Variants in PCDHGB7 observed in about 807,000 individuals in gnomAD.
PCDHGB7 encodes the protein protocadherin gamma subfamily B, 7, also known as protocadherin gamma-B7.
PCDHGB7 carries 37 observed loss-of-function variants against 61.4 expected under a neutral mutation model. The ratio of observed to expected loss-of-function variants is 0.60; its 90% CI spans 0.46 to 0.79. The LOEUF (loss-of-function observed/expected upper bound fraction) is 0.79. Ranked by LOEUF, PCDHGB7 falls within the 30% of genes least tolerant of loss-of-function variation. The probability of loss-of-function intolerance (pLI) is 0.00; values close to 1 mark genes in which losing one functional copy is unlikely to be tolerated. For synonymous variants in PCDHGB7, 464 were observed against 503.5 expected (o/e 0.92, Z 1.05); for missense variants, 1,166 against 1,202.5 (o/e 0.97, Z 0.45).
rs34152666 is a variant in PCDHGB7 at position 141,428,860 on chromosome 5, C to CT, written c.2415+8599dup. 6.7e-4 allele frequency: 98 copies of CT among 145,544 alleles called. 1 individual carries two copies. The highest frequency in any genetic ancestry group is 1.4e-3 in the East Asian group (7 of 4,990). 9.0% of individuals were successfully genotyped at this position (145,544 alleles called of 1,614,324 possible). On this transcript the variant is annotated intron_variant, in intron 1 of 3. Transcript: ENST00000398594. ...ACATTTTCACCATTTTTACGGGAGA[C>CT]TTTTTTTTTTTTTGGACGGAGTCTC...
In PCDHGB7 at chr5:141,420,254, G is replaced by C. The variant is rs186977117; in HGVS notation, c.2395G>C (p.Asp799His). The C allele has an allele frequency of 1.9e-6, 3 of 1,569,172 alleles. No individual in the cohort carries two copies. The highest frequency in any genetic ancestry group is 3.8e-5 in the Admixed American group (2 of 53,256). ...CATTTTAACTCCCAGCGTTGAAGCA[G>C]ATAAGAAGATTCTTAAACAGGTAAG... Reference protein sequence around the residue: ...ASILTPSVEADKKILKQQAPP... With the variant: ...ASILTPSVEAHKKILKQQAPP... Residue 799 changes from aspartate to histidine, a missense_variant, in exon 1 of 4, where the codon GAT becomes CAT. Transcript: ENST00000398594.
chr5:141,465,583 A>G (rs1056902823), intron 1 of PCDHGB7, among the ~76,000 whole-genome samples: 10 of 152,162 alleles, frequency 6.6e-5, no homozygotes, highest in African/African-American at 2.4e-4. Flanking sequence ...ACACTCTCAT[A>G]ATAATCAGAT....
At chr5:141,466,324 C>A (rs2154569179) in intron 1 of PCDHGB7, among the ~76,000 whole-genome samples, 1 of 152,218 alleles carries the variant, frequency 6.6e-6, no homozygotes, top group East Asian at 1.9e-4. Context: ...GCACATGCTA[C>A]CATGCCTGGA....
At chr5:141,509,077 C>A (rs1371396735) in intron 3 of PCDHGB7, among the ~76,000 whole-genome samples, 3 of 152,242 alleles carry the variant, frequency 2.0e-5, no homozygotes, top group Admixed American at 2.0e-4. Flanking sequence ...CGGGGATTTG[C>A]GACATGAAAT....
intron 1 of PCDHGB7, among the ~76,000 whole-genome samples, chr5:141,425,003 T>C (rs75915888): frequency 0.036 from 5,431 of 152,274 alleles, 181 homozygotes; most frequent in African/African-American, 0.084. Context: ...AGTTTAGTTT[T>C]CTCATTTAGG....
intron 1 of PCDHGB7, chr5:141,427,255 G>C (rs1369151995): frequency 2.2e-6 from 1 of 456,746 alleles, no homozygotes; most frequent in Non-Finnish European, 4.4e-6. Flanking sequence ...GATGGTGGAG[G>C]CATGACCAGC....
chr5:141,489,696 C>T lies in PCDHGB7; in HGVS notation c.2416-5111C>T. On this transcript the variant is annotated intron_variant, in intron 1 of 3. Transcript: ENST00000398594. This position sits in a 1 kb window ranked among gnomAD's most constrained non-coding sequence, Gnocchi z 4.5. ...AATCAGCAGCATCTGGGGCACGATT[C>T]CCACTGGACAGTGCCCAGGATCCGG... 6.2e-7 allele frequency: 1 copy of T among 1,614,170 alleles called. No homozygotes were observed. Among genetic ancestry groups the T allele is most frequent in the Non-Finnish European group, 8.5e-7 (1 of 1,180,002 alleles).
chr5:141,426,753 A>G (rs1360041118), intron 1 of PCDHGB7: 3 of 456,298 alleles, frequency 6.6e-6, no homozygotes, highest in East Asian at 7.0e-5. Flanking sequence ...GGAATCTGCT[A>G]TAGATGCAGA....
At chr5:141,462,122 C>A (rs1437400069) in intron 1 of PCDHGB7, among the ~76,000 whole-genome samples, 3 of 152,044 alleles carry the variant, frequency 2.0e-5, no homozygotes, top group Admixed American at 6.6e-5. Context: ...TGCACCCAGT[C>A]CAATTTTTTG....
chr5:141,508,826 C>T (rs2099872187), intron 3 of PCDHGB7, among the ~76,000 whole-genome samples: 1 of 152,092 alleles, frequency 6.6e-6, no homozygotes, highest in South Asian at 2.1e-4. Context: ...AGATCTGGGC[C>T]CCCCTCCCCT....
chr5:141,423,680 C>T (rs2096766182), intron 1 of PCDHGB7: 1 of 1,479,088 alleles, frequency 6.8e-7, no homozygotes, highest in African/African-American at 1.5e-5. Context: ...ATTTCTCTGC[C>T]TCCTAATTGT....
chr5:141,421,040 C>T (rs2096541229), intron 1 of PCDHGB7: 1 of 545,472 alleles, frequency 1.8e-6, no homozygotes, highest in East Asian at 3.1e-5. Context: ...GTCCCTCCCT[C>T]CCCCGCCTCT....
chr5:141,501,299 AC>A (rs1446641380), intron 2 of PCDHGB7, among the ~76,000 whole-genome samples: 1 of 149,208 alleles, frequency 6.7e-6, no homozygotes, highest in African/African-American at 2.5e-5. Flanking sequence ...ATACACACAC[AC>A]ACACACACAC....
At chr5:141,481,913 C>CAA (rs34114744) in intron 1 of PCDHGB7, among the ~76,000 whole-genome samples, 26 of 90,736 alleles carry the variant, frequency 2.9e-4, no homozygotes, top group Non-Finnish European at 3.5e-4. Context: ...AACTCCATCT[C>CAA]AAAAAAAAAA....
In PCDHGB7 at chr5:141,417,781, G is replaced by C; in HGVS notation, c.-79G>C. 1 of 1,473,574 alleles carries C rather than the reference G, an allele frequency of 6.8e-7. No individual in the cohort carries two copies. The allele number at this position is 1,473,574 out of a possible 1,614,324, so 91.3% of individuals were successfully genotyped here. ...AGACCCGGGACTCCTCCTGTCCTGG[G>C]CCGAATGCTCTTTTAGCGCGGTAGA... is the stretch of plus-strand genomic sequence containing the variant. On this transcript the variant is annotated 5_prime_UTR_variant, in exon 1 of 4. Transcript: ENST00000398594.
intron 1 of PCDHGB7, among the ~76,000 whole-genome samples, chr5:141,465,348 A>C (rs886810999): frequency 6.6e-6 from 1 of 152,158 alleles, no homozygotes; most frequent in African/African-American, 2.4e-5. Context: ...GTTACTGAAG[A>C]AAAAATGGGT....
At chr5:141,451,812 C>T (rs974567828) in intron 1 of PCDHGB7, among the ~76,000 whole-genome samples, 1 of 149,686 alleles carries the variant, frequency 6.7e-6, no homozygotes, top group Non-Finnish European at 1.5e-5. Context: ...ACCCAGGAGG[C>T]GGAGGTTACA....
rs766191511 is a variant in PCDHGB7, at chr5:141,432,498, G to T, written c.2415+12224G>T. ...TCCACTGGCGTGGAGCTGGCTCCCC[G>T]CTCCGCAGAGCCCGGCTACCTGGTG... On this transcript the variant is annotated intron_variant, in intron 1 of 3. Coordinates refer to ENST00000398594, the MANE Select transcript of PCDHGB7 (RefSeq NM_018927.4). The surrounding 1 kb of genome is among the most constrained non-coding windows in gnomAD (Gnocchi z 6.0). The T allele has an allele frequency of 6.2e-7, 1 of 1,614,106 alleles. No homozygotes were observed. The highest frequency in any genetic ancestry group is 8.5e-7 in the Non-Finnish European group (1 of 1,180,052).
Position 141,477,160 on chromosome 5 carries a change from C to A in PCDHGB7, c.2416-17647C>A, listed in dbSNP as rs768436526. The A allele has an allele frequency of 1.9e-5, 31 of 1,614,068 alleles. No homozygotes were observed. The African/African-American group carries it at 3.6e-4, about 19-fold the overall frequency. On this transcript the variant is annotated intron_variant, in intron 1 of 3. Coordinates refer to ENST00000398594, the MANE Select transcript of PCDHGB7 (RefSeq NM_018927.4). This position sits in a 1 kb window ranked among gnomAD's most constrained non-coding sequence, Gnocchi z 4.9. ...TGGAGGTTGTGGATGTGAATGACAA[C>A]GCCCCGGAGATCACAGTCACCTCCG...
Sources: gnomAD v4.1 joint callset for allele counts (sites outside exome capture counted in the v4.1 genomes callset) on GRCh38, gnomAD v4.1.1 for gene constraint, Gnocchi (gnomAD v3.1) non-coding constraint, MANE v1.5 for transcripts, NCBI Gene and HGNC (gene_info 2026-07-23, HGNC 2026-07-21) for gene names.